The following ZNF561 variants were observed in gnomAD, a reference collection of about 807,000 sequenced individuals.
ZNF561 encodes zinc finger protein 561.
ZNF561 carries 16 observed loss-of-function variants against 16.7 expected under a neutral mutation model. The observed-to-expected ratio is 0.96, with a 90% CI of 0.65 to 1.45. The LOEUF (loss-of-function observed/expected upper bound fraction) is 1.45. Ranked by LOEUF, ZNF561 falls within the 40% of genes most tolerant of loss-of-function variation. The pLI, the probability that ZNF561 is intolerant of heterozygous loss-of-function variation, is 0.00. For missense variants in ZNF561, 580 were observed against 578.0 expected, an observed-to-expected ratio of 1.00 and a Z score of -0.04; for synonymous variants, 190 against 192.1, an observed-to-expected ratio of 0.99 and a Z score of 0.09.
chr19:9,618,826 C>T (rs911572403), intron 2 of ZNF561, among the ~76,000 whole-genome samples: 1 of 151,454 alleles, frequency 6.6e-6, no homozygotes, highest in African/African-American at 2.4e-5. Context: ...AATTCTAAAA[C>T]AGCATTCTGG....
At chr19:9,614,823 A>C (rs1215607106) in intron 4 of ZNF561, among the ~76,000 whole-genome samples, 1 of 152,032 alleles carries the variant, frequency 6.6e-6, no homozygotes, top group African/African-American at 2.4e-5. Flanking sequence ...TCTGAGGCAA[A>C]GTGCATCTTT....
chr19:9,613,007 T>A (rs138742691), intron 5 of ZNF561, among the ~76,000 whole-genome samples: 44 of 151,440 alleles, frequency 2.9e-4, no homozygotes, highest in African/African-American at 1.0e-3. Flanking sequence ...ACCAGGCTGG[T>A]CTTGAACTCC....
At chr19:9,615,751 C>CAAAAAAAAAAAA (rs1192652868) in intron 4 of ZNF561, among the ~76,000 whole-genome samples, 1 of 85,368 alleles carries the variant, frequency 1.2e-5, no homozygotes, top group South Asian at 4.3e-4. Flanking sequence ...ACTAAAAATA[C>CAAAAAAAAAAAA]AAAAAAAAAA....
At chr19:9,613,565 C>A (rs1470590539) in intron 5 of ZNF561, among the ~76,000 whole-genome samples, 1 of 152,044 alleles carries the variant, frequency 6.6e-6, no homozygotes, top group African/African-American at 2.4e-5. Context: ...GTCAACCAGG[C>A]TGGAATGCAG....
Position 9,619,837 on chromosome 19 carries a change from CTCTA to C in ZNF561, c.-126-259_-126-256del, listed in dbSNP as rs762328120. 1.7e-3 allele frequency among the ~76,000 whole-genome samples: 259 copies of C among 151,258 alleles called. 5 individuals are homozygous for C. Among genetic ancestry groups the C allele is most frequent in the African/African-American group, 5.2e-3 (211 of 40,908 alleles). ...CATCCTTCCCAGTAGCTATCATTACCTCTATCTATCTATATCTATCTATATTTAT... is the reference window on the plus strand; with the variant it reads ...CATCCTTCCCAGTAGCTATCATTACCTCTATCTATATCTATCTATATTTAT... On this transcript the variant is annotated intron_variant, in intron 1 of 5. Coordinates refer to ENST00000302851, the MANE Select transcript of ZNF561 (RefSeq NM_152289.3).
intron 4 of ZNF561, 161 bp from the exon 5 acceptor site, chr19:9,614,264 G>A (rs1384566428): frequency 1.4e-6 from 1 of 722,312 alleles, no homozygotes; most frequent in Non-Finnish European, 2.3e-6. Flanking sequence ...ATGATGTGGG[G>A]TTTATTACAT....
At chr19:9,618,448 C>T (rs995623518) in intron 2 of ZNF561, among the ~76,000 whole-genome samples, 2 of 152,178 alleles carry the variant, frequency 1.3e-5, no homozygotes, top group African/African-American at 4.8e-5. Context: ...GACTCTCGTC[C>T]AGGTGCGGTG....
rs2074372662 is a variant in ZNF561, at chr19:9,607,628, GTATTA to G, written c.*2567_*2571del. On this transcript the variant is annotated 3_prime_UTR_variant, in exon 6 of 6. Coordinates refer to ENST00000302851, the MANE Select transcript of ZNF561 (RefSeq NM_152289.3). ...AGCAGAACTGCAGACAATTATGCTG[GTATTA>G]CTGCTATTCATTGGTGGTGTGCTGG... The G allele has an allele frequency of 6.6e-6, 1 of 152,120 alleles. No individual in the cohort carries two copies. Among genetic ancestry groups the G allele is most frequent in the Admixed American group, 6.6e-5 (1 of 15,252 alleles). The allele number at this position is 152,120 out of a possible 1,614,324, so 9.4% of individuals were successfully genotyped here.
intron 5 of ZNF561, 46 bp downstream of exon 5, chr19:9,613,975 T>G: frequency 3.7e-6 from 6 of 1,603,596 alleles, no homozygotes; most frequent in Non-Finnish European, 5.1e-6. Context: ...GAATTCTCTA[T>G]CTTTTCTAAG....
Position 9,609,039 on chromosome 19 carries a change from C to A in ZNF561, c.*1161G>T, listed in dbSNP as rs1351589684. ...ATGAGGGCAAGGAACACCTGGCCCA[C>A]CCACGGTGGAAAACTGGAAAACTGC... On this transcript the variant is annotated 3_prime_UTR_variant, in exon 6 of 6. Transcript: ENST00000302851. 1 of 152,124 alleles carries A rather than the reference C, an allele frequency of 6.6e-6. No individual in the cohort carries two copies. Among genetic ancestry groups the A allele is most frequent in the Non-Finnish European group, 1.5e-5 (1 of 68,040 alleles). The allele number at this position is 152,124 out of a possible 1,614,324, so 9.4% of individuals were successfully genotyped here.
chr19:9,614,108 A>G lies in ZNF561; in HGVS notation c.242-5T>C, dbSNP rs1241279687. On this transcript the variant is annotated splice_polypyrimidine_tract_variant and splice_region_variant and intron_variant, in intron 4 of 5. Coordinates refer to ENST00000302851, the MANE Select transcript of ZNF561 (RefSeq NM_152289.3). The stretch of plus-strand genomic sequence containing the variant: ...TTCTAGGTTGTATTTCCCATTCTAA[A>G]GTTAAGCAGAAAAAGAAACGTAAGG... 6.2e-7 allele frequency: 1 copy of G among 1,613,830 alleles called. No homozygotes were observed. Among genetic ancestry groups the G allele is most frequent in the Admixed American group, 1.7e-5 (1 of 59,990 alleles).
At chr19:9,620,106 T>C (rs969200396) in intron 1 of ZNF561, among the ~76,000 whole-genome samples, 6 of 152,038 alleles carry the variant, frequency 3.9e-5, no homozygotes, top group Middle Eastern at 3.2e-3. Context: ...TATTATTATT[T>C]TGAGACAGAG....
At position 9,610,899 on chromosome 19, in the gene ZNF561, C is replaced by A. The variant is rs764502131; in HGVS notation, c.762G>T (p.Lys254Asn). The A allele has an allele frequency of 1.2e-6, 2 of 1,613,980 alleles. No individual in the cohort carries two copies. Among genetic ancestry groups the A allele is most frequent in the Non-Finnish European group, 1.7e-6 (2 of 1,180,020 alleles). Residue 254 changes from lysine to asparagine, a missense_variant, in exon 6 of 6, where the codon AAG becomes AAT. Transcript: ENST00000302851. ...VAVHTGKKSK[K>N]TKKCGKSFTN... is the part of the protein sequence containing the mutation. ...TGAAGGATTTCCCACATTTCTTAGT[C>A]TTTTTGGATTTCTTTCCTGTATGAA... is the stretch of plus-strand genomic sequence containing the variant.
At position 9,611,212 on chromosome 19, in the gene ZNF561, C is replaced by T; in HGVS notation, c.449G>A (p.Cys150Tyr). 1.2e-6 allele frequency: 2 copies of T among 1,613,934 alleles called. No individual in the cohort carries two copies. Among genetic ancestry groups the T allele is most frequent in the Non-Finnish European group, 1.7e-6 (2 of 1,179,874 alleles). The change falls in exon 6 of 6, where the codon TGT becomes TAT. Residue 150 changes from cysteine (C) to tyrosine (Y), a missense_variant. Coordinates refer to ENST00000302851, the MANE Select transcript of ZNF561 (RefSeq NM_152289.3). The part of the protein sequence containing the change: ...QNGGNTSEGN[C>Y]YGKDTLSVHK... ...CACACTGAGGGTGTCTTTTCCATAA[C>T]AATTACCCTCAGAAGTATTCCCTCC... is the stretch of plus-strand genomic sequence containing the variant.
chr19:9,614,542 T>G (rs2074520059), intron 4 of ZNF561, among the ~76,000 whole-genome samples: 1 of 152,070 alleles, frequency 6.6e-6, no homozygotes, highest in African/African-American at 2.4e-5. Context: ...GAGGCAGAAG[T>G]TGCAGTGAGC....
Position 9,615,625 on chromosome 19 carries a change from G to A in ZNF561, c.241+1420C>T, listed in dbSNP as rs545322336. On this transcript the variant is annotated intron_variant, in intron 4 of 5. Coordinates refer to ENST00000302851, the MANE Select transcript of ZNF561 (RefSeq NM_152289.3). Reference sequence around the variant, plus strand: ...AAATAATAAATAAATAAAGTAAGTAGGCTGGGTGCAGTGGCTTACACCATA... The same window carrying A: ...AAATAATAAATAAATAAAGTAAGTAAGCTGGGTGCAGTGGCTTACACCATA... Among the ~76,000 whole-genome samples the A allele has an allele frequency of 5.3e-5, 8 of 151,750 alleles. No homozygotes were observed. The South Asian group carries it at 1.0e-3, about 20-fold the overall frequency.
At chr19:9,617,606 A>T (rs1474451708) in intron 3 of ZNF561, 2 of 453,534 alleles carry the variant, frequency 4.4e-6, no homozygotes, top group Non-Finnish European at 8.9e-6. Flanking sequence ...TCCTGGGCTG[A>T]AGTGGTCCTC....
chr19:9,620,534 C>T lies in ZNF561; in HGVS notation c.-127+628G>A, dbSNP rs73008105. On this transcript the variant is annotated intron_variant, in intron 1 of 5. Coordinates refer to ENST00000302851, the MANE Select transcript of ZNF561 (RefSeq NM_152289.3). ...AGCCACGATGCCTGGCCCATTACTT[C>T]TATTTAATACTGAAAAAAACCTACA... is the stretch of plus-strand genomic sequence containing the variant. Among the ~76,000 whole-genome samples the T allele has an allele frequency of 4.6e-3, 699 of 152,198 alleles. 3 individuals carry two copies. The highest frequency in any genetic ancestry group is 0.014 in the Middle Eastern group (4 of 294).
At position 9,610,685 on chromosome 19, in the gene ZNF561, C is replaced by G; in HGVS notation, c.976G>C (p.Glu326Gln). ...ATTCCAGTGTGAGTTCTTACATGTT[C>G]AGTAAGTTGAGTTGATCTAGTGAAG... is the stretch of plus-strand genomic sequence containing the variant. ...KAFTRSTQLT[E>Q]HVRTHTGIKP... Residue 326 changes from glutamate to glutamine, a missense_variant, in exon 6 of 6, where the codon GAA becomes CAA. Physicochemically the swap from Glu to Gln is conservative, Grantham distance 29. Transcript: ENST00000302851. 6.2e-7 allele frequency: 1 copy of G among 1,614,044 alleles called. No individual in the cohort carries two copies. The highest frequency in any genetic ancestry group is 2.2e-5 in the East Asian group (1 of 44,884).
Sources: allele counts gnomAD v4.1 joint callset (sites outside exome capture counted in the v4.1 genomes callset), GRCh38; gene constraint gnomAD v4.1.1; transcripts MANE v1.5; gene names NCBI Gene and HGNC (gene_info 2026-07-23, HGNC 2026-07-21).